The following ENAH variants were observed in gnomAD, a reference collection of about 807,000 sequenced individuals.
ENAH encodes ENAH actin regulator.
In ENAH, 23 loss-of-function variants were observed where a neutral mutation model predicts 78.7. The ratio of observed to expected loss-of-function variants is 0.29; its 90% CI spans 0.21 to 0.41. ENAH has a LOEUF of 0.41. ENAH is among the 10% of genes least tolerant of loss of function. The pLI is 1.00. For missense variants in ENAH, 544 were observed against 691.0 expected, an observed-to-expected ratio of 0.79 and a Z score of 2.39; for synonymous variants, 226 against 241.0, an observed-to-expected ratio of 0.94 and a Z score of 0.58.
chr1:225,592,982 C>T (rs754195516), intron 1 of ENAH, among the ~76,000 whole-genome samples: 3 of 152,120 alleles, frequency 2.0e-5, no homozygotes, highest in Non-Finnish European at 2.9e-5. Flanking sequence ...ATGAGGAATA[C>T]GGCCCCTAAA....
At position 225,637,823 on chromosome 1, in the gene ENAH, C is replaced by T. The variant is rs139735187; in HGVS notation, c.5+14863G>A. 1.1e-4 allele frequency among the ~76,000 whole-genome samples: 17 copies of T among 152,054 alleles called. No individual in the cohort carries two copies. The East Asian group carries it at 3.1e-3, about 28-fold the overall frequency. On this transcript the variant is annotated intron_variant, in intron 1 of 13. Transcript: ENST00000366843. ...CTATAGTCCCAGCTACTTAGGAAGCCGAGGTGCAAGGATGGCTTGAGCCCA... is the reference window on the plus strand; with the variant it reads ...CTATAGTCCCAGCTACTTAGGAAGCTGAGGTGCAAGGATGGCTTGAGCCCA...
intron 2 of ENAH, among the ~76,000 whole-genome samples, chr1:225,558,118 CT>C (rs1191278058): frequency 6.6e-6 from 1 of 152,072 alleles, no homozygotes; most frequent in Non-Finnish European, 1.5e-5. Context: ...TGATATTGCT[CT>C]GTTTGAAATT....
At chr1:225,498,314 T>G (rs1286307858) in intron 13 of ENAH, 33 bp downstream of exon 13, 10 of 1,529,532 alleles carry the variant, frequency 6.5e-6, no homozygotes, top group Non-Finnish European at 9.0e-6. Context: ...AAACATTGTT[T>G]TATAGGAATA....
At chr1:225,641,154 C>T (rs868194197) in intron 1 of ENAH, among the ~76,000 whole-genome samples, 30 of 151,624 alleles carry the variant, frequency 2.0e-4, no homozygotes, top group Middle Eastern at 3.4e-3. Flanking sequence ...TGAGCCACCG[C>T]GCCCGGCCAA....
At chr1:225,642,327 A>G (rs1341854059) in intron 1 of ENAH, among the ~76,000 whole-genome samples, 1 of 152,196 alleles carries the variant, frequency 6.6e-6, no homozygotes, top group Non-Finnish European at 1.5e-5. Context: ...GGGCTTGACC[A>G]TATGACTTGT....
At chr1:225,527,626 CT>C (rs1322224842) in intron 4 of ENAH, among the ~76,000 whole-genome samples, 9 of 152,138 alleles carry the variant, frequency 5.9e-5, no homozygotes, top group East Asian at 1.9e-4. Flanking sequence ...ACAAATATCT[CT>C]TTTATAATTG....
At chr1:225,515,156 C>CT (rs954466845) in intron 6 of ENAH, 3,797 of 362,234 alleles carry the variant, frequency 0.01, no homozygotes, top group Middle Eastern at 0.014. Context: ...CTAATTAAGA[C>CT]TTTTTTTTTT....
chr1:225,637,392 G>A (rs1660255309), intron 1 of ENAH, among the ~76,000 whole-genome samples: 1 of 152,098 alleles, frequency 6.6e-6, no homozygotes, highest in South Asian at 2.1e-4. Context: ...ATTTTTAGTA[G>A]AGACGGGGTT....
intron 9 of ENAH, among the ~76,000 whole-genome samples, chr1:225,512,111 A>G (rs2151113627): frequency 6.6e-6 from 1 of 152,326 alleles, no homozygotes; most frequent in African/African-American, 2.4e-5. Context: ...CTACAAAGCC[A>G]GACACGAGAG....
upstream of ENAH, among the ~76,000 whole-genome samples, chr1:225,653,567 G>C (rs1663460400): frequency 6.6e-6 from 1 of 151,984 alleles, no homozygotes; most frequent in African/African-American, 2.4e-5. This position sits in a 1 kb window ranked among gnomAD's most constrained non-coding sequence, Gnocchi z 4.3. Context: ...TGCGGAGACC[G>C]AGGCGCCGAG....
Position 225,519,568 on chromosome 1 carries a change from G to C in ENAH, c.435-3C>G. 1 of 1,538,312 alleles carries C rather than the reference G, an allele frequency of 6.5e-7. No homozygotes were observed. The highest frequency in any genetic ancestry group is 8.7e-7 in the Non-Finnish European group (1 of 1,150,388). Reference sequence around the variant, plus strand: ...GCCGTTGCTGTTCTTGTAGTTGTCTGGAAAAAAAAAAAAAAAAGTAAAAAC... The same window carrying C: ...GCCGTTGCTGTTCTTGTAGTTGTCTCGAAAAAAAAAAAAAAAAGTAAAAAC... On this transcript the variant is annotated splice_region_variant and splice_polypyrimidine_tract_variant and intron_variant, in intron 4 of 13. Coordinates refer to ENST00000366843, the MANE Select transcript of ENAH (RefSeq NM_018212.6).
intron 2 of ENAH, among the ~76,000 whole-genome samples, chr1:225,564,731 C>T (rs1297790526): frequency 6.6e-6 from 1 of 152,144 alleles, no homozygotes; most frequent in African/African-American, 2.4e-5. Context: ...GCCACCACGC[C>T]AGCTAGTTTA....
At chr1:225,574,415 AC>A (rs1331792352) in intron 1 of ENAH, among the ~76,000 whole-genome samples, 1 of 152,128 alleles carries the variant, frequency 6.6e-6, no homozygotes, top group East Asian at 1.9e-4. Context: ...AGCCTGGCCA[AC>A]ATGGCAAAAT....
chr1:225,501,196 TA>T, intron 11 of ENAH, 126 bp from the exon 12 acceptor site: 1 of 649,168 alleles, frequency 1.5e-6, no homozygotes, highest in Admixed American at 3.2e-5. Context: ...GCCATTTTCT[TA>T]AAAAATTATC....
At chr1:225,548,163 T>C (rs1421342382) in intron 3 of ENAH, among the ~76,000 whole-genome samples, 4 of 150,370 alleles carry the variant, frequency 2.7e-5, no homozygotes, top group Admixed American at 2.0e-4. Flanking sequence ...TTTGAAAGCC[T>C]ACTTTTTTTT....
chr1:225,576,158 T>TC (rs1286410967), intron 1 of ENAH, among the ~76,000 whole-genome samples: 1 of 151,616 alleles, frequency 6.6e-6, no homozygotes, highest in Admixed American at 6.6e-5. Flanking sequence ...ATGCCTGTAG[T>TC]CTTAAGTACT....
intron 4 of ENAH, chr1:225,524,483 T>G (rs2096490785): frequency 2.6e-6 from 1 of 383,198 alleles, no homozygotes; most frequent in Non-Finnish European, 3.6e-6. Flanking sequence ...ACAGTTTGAT[T>G]GTATAACATG....
intron 1 of ENAH, among the ~76,000 whole-genome samples, chr1:225,598,212 T>A (rs1218402108): frequency 1.3e-5 from 2 of 152,206 alleles, no homozygotes; most frequent in East Asian, 3.9e-4. Flanking sequence ...ATATCAAAAA[T>A]TTTTAATTAT....
intron 1 of ENAH, among the ~76,000 whole-genome samples, chr1:225,573,975 A>G (rs995913690): frequency 2.0e-5 from 3 of 152,218 alleles, no homozygotes; most frequent in African/African-American, 7.2e-5. Flanking sequence ...CTATACTATC[A>G]GCCTCTTAAG....
Sources: allele counts gnomAD v4.1 joint callset (sites outside exome capture counted in the v4.1 genomes callset), GRCh38; gene constraint gnomAD v4.1.1; non-coding constraint Gnocchi (gnomAD v3.1); transcripts MANE v1.5; gene names NCBI Gene and HGNC (gene_info 2026-07-23, HGNC 2026-07-21).